SORBS2: variants seen among roughly 807,000 people sequenced by gnomAD.
SORBS2 encodes sorbin and SH3 domain containing 2.
In SORBS2, 46 loss-of-function variants were observed where a neutral mutation model predicts 97.7. The observed-to-expected ratio is 0.47, with a 90% CI of 0.37 to 0.60. The LOEUF (loss-of-function observed/expected upper bound fraction) is 0.60, where lower values mean the gene tolerates loss of function less well. Among genes scored for constraint, SORBS2 ranks in the 20% least tolerant of loss-of-function variants. The pLI is 0.00. For synonymous variants in SORBS2, 476 were observed against 473.4 expected (o/e 1.01, Z -0.07); for missense variants, 1,316 against 1,282.3 (o/e 1.03, Z -0.40).
chr4:185,722,190 T>C (rs1315386441), intron 2 of SORBS2, among the ~76,000 whole-genome samples: 1 of 152,210 alleles, frequency 6.6e-6, no homozygotes, highest in Non-Finnish European at 1.5e-5. Flanking sequence ...TATGATCACG[T>C]ATAAGCTTTA....
intron 2 of SORBS2, among the ~76,000 whole-genome samples, chr4:185,730,842 T>C (rs2098614955): frequency 6.6e-6 from 1 of 152,240 alleles, no homozygotes; most frequent in Non-Finnish European, 1.5e-5. Context: ...CAGGTGAGTA[T>C]GTATCAGCCA....
intron 1 of SORBS2, among the ~76,000 whole-genome samples, chr4:185,915,713 C>T (rs1222951410): frequency 6.6e-6 from 1 of 151,994 alleles, no homozygotes; most frequent in Admixed American, 6.6e-5. Context: ...CCCCCCACCC[C>T]CAGCATTAAG....
At chr4:185,652,446 A>G (rs544156296) in intron 2 of SORBS2, among the ~76,000 whole-genome samples, 1 of 152,162 alleles carries the variant, frequency 6.6e-6, no homozygotes, top group Non-Finnish European at 1.5e-5. Flanking sequence ...GTTGTCCTCC[A>G]TGGGGAGGCT....
chr4:185,914,075 C>T (rs935482790), intron 1 of SORBS2, among the ~76,000 whole-genome samples: 2 of 152,162 alleles, frequency 1.3e-5, no homozygotes, highest in Non-Finnish European at 2.9e-5. Context: ...TTTTAAAGTA[C>T]TCACTCTTCA....
At chr4:185,709,169 C>T (rs2098390057) in intron 2 of SORBS2, among the ~76,000 whole-genome samples, 2 of 152,200 alleles carry the variant, frequency 1.3e-5, no homozygotes, top group African/African-American at 4.8e-5. Context: ...CAGGCATGCA[C>T]CACCACACCC....
At chr4:185,749,018 T>C (rs899245886) in intron 2 of SORBS2, among the ~76,000 whole-genome samples, 2 of 152,150 alleles carry the variant, frequency 1.3e-5, no homozygotes, top group African/African-American at 4.8e-5. Flanking sequence ...CCCAAAAAGA[T>C]GTTAGAAGTA....
At chr4:185,654,176 T>C (rs953682121) in intron 1 of SORBS2, among the ~76,000 whole-genome samples, 1 of 152,004 alleles carries the variant, frequency 6.6e-6, no homozygotes, top group Non-Finnish European at 1.5e-5. Flanking sequence ...CATGGAAGAG[T>C]TGAGGTTATT....
At position 185,618,571 on chromosome 4, in the gene SORBS2, T is replaced by C. The variant is rs1363486597; in HGVS notation, c.2351+14A>G. ...ACCACCTTAAATCATATGATGAGTA[T>C]TTATCTTACTTACTTAGATGTCTGA... On this transcript the variant is annotated intron_variant, in intron 9 of 14. Coordinates refer to ENST00000418609, the Ensembl canonical transcript of SORBS2. The C allele has an allele frequency of 6.2e-6, 9 of 1,456,904 alleles. No homozygotes were observed. Among genetic ancestry groups the C allele is most frequent in the East Asian group, 2.3e-5 (1 of 43,408 alleles). The allele number at this position is 1,456,904 out of a possible 1,614,324, so 90.2% of individuals were successfully genotyped here. A position where few individuals can be genotyped will look rare whatever the true frequency, so the allele number is the denominator to read the frequency against.
chr4:185,759,183 C>T (rs1054100779), intron 2 of SORBS2, among the ~76,000 whole-genome samples: 1 of 152,136 alleles, frequency 6.6e-6, no homozygotes, highest in Non-Finnish European at 1.5e-5. Flanking sequence ...TGAAGCACAT[C>T]CTATAGTATG....
intron 1 of SORBS2, among the ~76,000 whole-genome samples, chr4:185,870,183 T>C (rs1207753228): frequency 6.6e-6 from 1 of 152,192 alleles, no homozygotes; most frequent in Non-Finnish European, 1.5e-5. Context: ...GTGAGGAAAA[T>C]GTTATTGTCG....
intron 1 of SORBS2, among the ~76,000 whole-genome samples, chr4:185,886,794 G>A (rs1425972502): frequency 6.6e-6 from 1 of 151,768 alleles, no homozygotes; most frequent in Non-Finnish European, 1.5e-5. Flanking sequence ...TGATCATTTA[G>A]CCTGGAACAG....
At chr4:185,702,309 C>T (rs564569891) in intron 2 of SORBS2, among the ~76,000 whole-genome samples, 10 of 152,186 alleles carry the variant, frequency 6.6e-5, no homozygotes, top group East Asian at 1.9e-4. Flanking sequence ...AGGGAGCCGG[C>T]GTGCAGAGAT....
At chr4:185,667,720 T>G in intron 4 of SORBS2, among the ~76,000 whole-genome samples, 1 of 120,624 alleles carries the variant, frequency 8.3e-6, no homozygotes, top group East Asian at 2.6e-4. Context: ...ATATATATAA[T>G]ATATATTTTA....
intron 1 of SORBS2, among the ~76,000 whole-genome samples, chr4:185,872,127 T>A (rs2099230745): frequency 6.6e-6 from 1 of 152,264 alleles, no homozygotes; most frequent in Non-Finnish European, 1.5e-5. Flanking sequence ...CTAGCCTCAT[T>A]TTCATGTTCT....
chr4:185,741,298 G>A (rs1202773153), intron 2 of SORBS2, among the ~76,000 whole-genome samples: 13 of 151,276 alleles, frequency 8.6e-5, no homozygotes, highest in Non-Finnish European at 1.6e-4. Flanking sequence ...GGACATGCAT[G>A]AAAAGTACTT....
At chr4:185,730,939 A>T (rs2098616545) in intron 2 of SORBS2, among the ~76,000 whole-genome samples, 1 of 152,158 alleles carries the variant, frequency 6.6e-6, no homozygotes, top group South Asian at 2.1e-4. Context: ...ATAATTTTTT[A>T]AAAAACCAAT....
At chr4:185,624,457 A>C in exon 7 of SORBS2, 1 of 1,612,786 alleles carries the variant, frequency 6.2e-7, no homozygotes, top group Non-Finnish European at 8.5e-7. Context: ...GCCCTGAGTA[A>C]CTGCAAAGGG....
intron 1 of SORBS2, among the ~76,000 whole-genome samples, chr4:185,890,285 A>G (rs1039888720): frequency 8.5e-5 from 13 of 152,172 alleles, no homozygotes; most frequent in African/African-American, 3.1e-4. Flanking sequence ...ATTCCATTCA[A>G]TTTACTTCAG....
chr4:185,590,968 T>C (rs962750781), intron 13 of SORBS2, among the ~76,000 whole-genome samples: 1 of 152,208 alleles, frequency 6.6e-6, no homozygotes, highest in Non-Finnish European at 1.5e-5. Flanking sequence ...GTATTTTAGA[T>C]TTTTTCATGC....
Sources: gnomAD v4.1 joint callset for allele counts (sites outside exome capture counted in the v4.1 genomes callset) on GRCh38, gnomAD v4.1.1 for gene constraint, MANE v1.5 for transcripts, NCBI Gene and HGNC (gene_info 2026-07-23, HGNC 2026-07-21) for gene names.